NPAS3: variants seen among roughly 807,000 people sequenced by gnomAD.
NPAS3 encodes neuronal PAS domain protein 3, also known as neuronal PAS domain-containing protein 3.
In NPAS3, 14 loss-of-function variants were observed where a neutral mutation model predicts 73.1. The observed-to-expected ratio is 0.19, with a 90% CI of 0.13 to 0.30. NPAS3 has a LOEUF of 0.30. NPAS3 is among the 10% of genes least tolerant of loss of function. NPAS3 has a pLI of 1.00. For synonymous variants in NPAS3, 620 were observed against 541.5 expected (o/e 1.14, Z -2.01); for missense variants, 1,096 against 1,250.0 (o/e 0.88, Z 1.86).
At chr14:33,681,095 A>G (rs1267684285) in intron 6 of NPAS3, 1 of 154,074 alleles carries the variant, frequency 6.5e-6, no homozygotes, top group Non-Finnish European at 1.4e-5. Flanking sequence ...CAGAAACAGG[A>G]GCTCAATTCC....
At chr14:33,402,130 T>C (rs185149965) in intron 4 of NPAS3, among the ~76,000 whole-genome samples, 2 of 152,200 alleles carry the variant, frequency 1.3e-5, no homozygotes, top group East Asian at 3.9e-4. Context: ...AGTCCTTCTA[T>C]GGGTCTGATT....
chr14:33,599,919 T>C (rs1212674495), intron 5 of NPAS3, among the ~76,000 whole-genome samples: 1 of 152,132 alleles, frequency 6.6e-6, no homozygotes, highest in Non-Finnish European at 1.5e-5. Context: ...CAGGAGTCCA[T>C]GAGAAATGTG....
intron 3 of NPAS3, among the ~76,000 whole-genome samples, chr14:33,289,830 A>T (rs962424937): frequency 3.9e-5 from 6 of 152,078 alleles, no homozygotes; most frequent in Non-Finnish European, 7.4e-5. Flanking sequence ...TCAAAAAAAA[A>T]AAAAAAATCT....
intron 5 of NPAS3, among the ~76,000 whole-genome samples, chr14:33,618,344 G>A (rs1419432475): frequency 6.6e-6 from 1 of 152,014 alleles, no homozygotes; most frequent in Non-Finnish European, 1.5e-5. Flanking sequence ...TAGAATCAGT[G>A]GGAGCCCTCA....
chr14:32,987,902 A>G lies in NPAS3; in HGVS notation c.50+48536A>G, dbSNP rs76570872. On this transcript the variant is annotated intron_variant, in intron 1 of 11. Coordinates refer to ENST00000356141, the Ensembl canonical transcript of NPAS3. ...TAAGTACATACTAATTAAAATAACA[A>G]CTAAACATTCTGTCATGTTTCAACA... is the stretch of plus-strand genomic sequence containing the variant. 3.1e-3 allele frequency among the ~76,000 whole-genome samples: 468 copies of G among 152,262 alleles called. 4 individuals are homozygous for G. The highest frequency in any genetic ancestry group is 0.014 in the South Asian group (68 of 4,824).
chr14:33,578,239 G>T (rs2056523523), intron 5 of NPAS3: 1 of 455,694 alleles, frequency 2.2e-6, no homozygotes, highest in Non-Finnish European at 4.4e-6. Flanking sequence ...TGTTGCCCAG[G>T]CTGGAGTGCA....
chr14:33,684,332 G>A (rs751280737), intron 6 of NPAS3, among the ~76,000 whole-genome samples: 1 of 150,260 alleles, frequency 6.7e-6, no homozygotes, highest in Non-Finnish European at 1.5e-5. Flanking sequence ...TTTTTGAGAT[G>A]ATGGAGTCTC....
exon 12 of NPAS3, chr14:33,801,067 C>T: frequency 1.9e-6 from 3 of 1,594,166 alleles, no homozygotes; most frequent in East Asian, 2.3e-5. Flanking sequence ...TCTACAGCAA[C>T]GGCATCCACG....
Position 33,763,787 on chromosome 14 carries a change from T to C in NPAS3, c.853-10550T>C, listed in dbSNP as rs2062371986. ...GATACCTACTGCAGCCTCTTGGGAA[T>C]TGATCATTTTTAGGTTTGATCACTA... On this transcript the variant is annotated intron_variant, in intron 7 of 11. Transcript: ENST00000356141. Among the ~76,000 whole-genome samples the C allele has an allele frequency of 2.0e-5, 3 of 152,180 alleles. No individual in the cohort carries two copies. The South Asian group carries it at 6.2e-4, about 31-fold the overall frequency.
intron 2 of NPAS3, among the ~76,000 whole-genome samples, chr14:33,065,445 T>A (rs754293680): frequency 1.4e-4 from 21 of 152,170 alleles, no homozygotes; most frequent in Non-Finnish European, 2.5e-4. Flanking sequence ...AGTATTGAGA[T>A]GTTTAGGTCC....
At chr14:33,745,868 A>T (rs2061774986) in intron 7 of NPAS3, among the ~76,000 whole-genome samples, 1 of 152,256 alleles carries the variant, frequency 6.6e-6, no homozygotes, top group African/African-American at 2.4e-5. Flanking sequence ...TAACAAAAGA[A>T]GCACATACCA....
At chr14:33,346,614 G>A (rs891158444) in intron 3 of NPAS3, among the ~76,000 whole-genome samples, 7 of 150,962 alleles carry the variant, frequency 4.6e-5, no homozygotes, top group Non-Finnish European at 1.0e-4. Context: ...AAATTAGGAT[G>A]TATTAGTTAG....
chr14:33,590,777 TCTGG>T (rs1195200547), intron 5 of NPAS3, among the ~76,000 whole-genome samples: 9 of 152,198 alleles, frequency 5.9e-5, no homozygotes, highest in Admixed American at 3.9e-4. Flanking sequence ...CCTGGCTTTC[TCTGG>T]ATCCAGGTGG....
At chr14:33,401,540 A>C (rs1157099068) in intron 4 of NPAS3, among the ~76,000 whole-genome samples, 1 of 152,108 alleles carries the variant, frequency 6.6e-6, no homozygotes, top group Non-Finnish European at 1.5e-5. Context: ...CTGGGGCCTC[A>C]GCTCAGCTGC....
intron 5 of NPAS3, among the ~76,000 whole-genome samples, chr14:33,575,470 T>C (rs1374112874): frequency 1.3e-5 from 2 of 152,206 alleles, no homozygotes; most frequent in African/African-American, 4.8e-5. Flanking sequence ...ATTTGTAGGT[T>C]TTCCAATTGT....
At chr14:32,938,482 A>AGAAAGAGAGAGAGAGAGAGAGAGAG (rs2035781447), upstream of NPAS3, among the ~76,000 whole-genome samples, 1 of 15,056 alleles carries the variant, frequency 6.6e-5, no homozygotes, top group Non-Finnish European at 1.6e-4. Flanking sequence ...AGAGAGAGAG[A>AGAAAGAGAGAGAGAGAGAGAGAGAG]AATTGAGAGA....
At chr14:32,997,147 A>C (rs1278435960) in intron 1 of NPAS3, among the ~76,000 whole-genome samples, 1 of 152,324 alleles carries the variant, frequency 6.6e-6, no homozygotes, top group East Asian at 1.9e-4. Context: ...TCAGACGTGC[A>C]TGGGGCCTGT....
At chr14:33,706,515 T>G (rs560409300) in intron 6 of NPAS3, among the ~76,000 whole-genome samples, 1 of 152,154 alleles carries the variant, frequency 6.6e-6, no homozygotes, top group South Asian at 2.1e-4. Context: ...TCCAGGAAGA[T>G]AGAAACGTCT....
At chr14:33,308,521 T>TACACACACAC (rs1195465509) in intron 3 of NPAS3, among the ~76,000 whole-genome samples, 2 of 38,546 alleles carry the variant, frequency 5.2e-5, no homozygotes, top group Admixed American at 6.6e-4. Context: ...TATATATATA[T>TACACACACAC]ATATATACAT....
Sources: allele counts gnomAD v4.1 joint callset (sites outside exome capture counted in the v4.1 genomes callset), GRCh38; gene constraint gnomAD v4.1.1; transcripts MANE v1.5; gene names NCBI Gene and HGNC (gene_info 2026-07-23, HGNC 2026-07-21).